The following FAM133B variants were observed in gnomAD, a reference collection of about 807,000 sequenced individuals.
The protein encoded by FAM133B is family with sequence similarity 133 member B, also known as protein FAM133B.
A neutral mutation model predicts 46.4 loss-of-function variants in FAM133B; 25 were observed. The observed-to-expected ratio is 0.54, with a 90% CI of 0.39 to 0.75. The LOEUF is 0.75. Among genes scored for constraint, FAM133B ranks in the 30% least tolerant of loss-of-function variants. The pLI is 0.00. For missense variants in FAM133B, 205 were observed against 277.6 expected, an observed-to-expected ratio of 0.74 and a Z score of 1.86; for synonymous variants, 75 against 86.0, an observed-to-expected ratio of 0.87 and a Z score of 0.71.
At chr7:92,579,167 G>A (rs1034866364) in intron 3 of FAM133B, 150 bp downstream of exon 3, 18 of 628,748 alleles carry the variant, frequency 2.9e-5, no homozygotes, top group Non-Finnish European at 4.8e-5. Flanking sequence ...ATGGAGACAA[G>A]GGCGGCGGGG....
chr7:92,575,409 G>A (rs570328170), intron 8 of FAM133B, among the ~76,000 whole-genome samples: 2 of 152,098 alleles, frequency 1.3e-5, no homozygotes, highest in Non-Finnish European at 2.9e-5. Flanking sequence ...GGAGATAGAG[G>A]TTGCAGTGAG....
At chr7:92,566,539 G>A (rs1270483864) in intron 9 of FAM133B, among the ~76,000 whole-genome samples, 1 of 152,190 alleles carries the variant, frequency 6.6e-6, no homozygotes, top group African/African-American at 2.4e-5. Context: ...CTAACTGGAA[G>A]GTTGAGATGG....
chr7:92,586,735 A>G (rs980815266), intron 1 of FAM133B, among the ~76,000 whole-genome samples: 1 of 152,226 alleles, frequency 6.6e-6, no homozygotes, highest in African/African-American at 2.4e-5. Flanking sequence ...AAAACTGGCT[A>G]AAGACACAAT....
intron 7 of FAM133B, among the ~76,000 whole-genome samples, chr7:92,576,863 A>T (rs1402056215): frequency 6.6e-6 from 1 of 152,208 alleles, no homozygotes; most frequent in African/African-American, 2.4e-5. Context: ...TTCTTTATGA[A>T]AACAGGGACA....
intron 9 of FAM133B, among the ~76,000 whole-genome samples, chr7:92,569,071 ATAC>A (rs1794453741): frequency 6.6e-6 from 1 of 152,220 alleles, no homozygotes; most frequent in Non-Finnish European, 1.5e-5. Context: ...GAGGAGGCTA[ATAC>A]GGAAACGATT....
At chr7:92,564,691 TTTTCA>T (rs1794278299) in intron 10 of FAM133B, among the ~76,000 whole-genome samples, 1 of 152,166 alleles carries the variant, frequency 6.6e-6, no homozygotes, top group Admixed American at 6.5e-5. Flanking sequence ...AATGATGATG[TTTTCA>T]TTTTTCTTTC....
intron 1 of FAM133B, among the ~76,000 whole-genome samples, chr7:92,582,816 T>C (rs1056116103): frequency 2.6e-5 from 4 of 152,188 alleles, no homozygotes; most frequent in South Asian, 4.1e-4. Flanking sequence ...AGGATGGCTA[T>C]TATTAAACAG....
chr7:92,566,968 T>C (rs1291794592), intron 9 of FAM133B, among the ~76,000 whole-genome samples: 1 of 152,194 alleles, frequency 6.6e-6, no homozygotes, highest in East Asian at 1.9e-4. Flanking sequence ...CCCAGCGCTT[T>C]GATAGGCCAA....
At chr7:92,577,991 T>C in intron 5 of FAM133B, 159 bp downstream of exon 5, 1 of 710,180 alleles carries the variant, frequency 1.4e-6, no homozygotes. Context: ...TTTATGTCAG[T>C]GATAGAACAA....
intron 3 of FAM133B, 67 bp downstream of exon 3, chr7:92,579,250 A>G: frequency 7.1e-7 from 1 of 1,399,578 alleles, no homozygotes; most frequent in Admixed American, 2.1e-5. Context: ...AAGTGCTGGA[A>G]TTATAGGTAT....
intron 8 of FAM133B, among the ~76,000 whole-genome samples, chr7:92,573,458 T>C (rs997346720): frequency 6.9e-6 from 1 of 144,894 alleles, no homozygotes; most frequent in African/African-American, 2.6e-5. Flanking sequence ...CCCAGTCTTT[T>C]TTCTTCTTTT....
intron 9 of FAM133B, among the ~76,000 whole-genome samples, chr7:92,566,477 AAAAG>A (rs1348489292): frequency 2.0e-5 from 3 of 152,038 alleles, no homozygotes; most frequent in South Asian, 2.1e-4. Context: ...AGAAAAAAAA[AAAAG>A]AAAAAGAAAA....
At chr7:92,590,145 T>C in intron 1 of FAM133B, 123 bp downstream of exon 1, 1 of 1,455,246 alleles carries the variant, frequency 6.9e-7, no homozygotes, top group Non-Finnish European at 9.5e-7. Context: ...GGGTGCTGGG[T>C]CTCCAGGCCC....
intron 8 of FAM133B, among the ~76,000 whole-genome samples, chr7:92,574,632 G>A (rs538837023): frequency 2.6e-5 from 4 of 152,228 alleles, no homozygotes; most frequent in East Asian, 1.9e-4. Context: ...TGGGCCGGGC[G>A]CGGTGGCTCA....
At chr7:92,584,230 T>A (rs1452713852) in intron 1 of FAM133B, among the ~76,000 whole-genome samples, 1 of 151,978 alleles carries the variant, frequency 6.6e-6, no homozygotes, top group African/African-American at 2.4e-5. Flanking sequence ...TTTATGAAAC[T>A]CTTCTACTTT....
At chr7:92,573,781 C>A (rs1190474738) in intron 8 of FAM133B, among the ~76,000 whole-genome samples, 2 of 151,634 alleles carry the variant, frequency 1.3e-5, no homozygotes, top group Admixed American at 1.3e-4. Flanking sequence ...GGTTTCTTTC[C>A]TTGATCAGTT....
At chr7:92,568,586 TG>T (rs1244623453) in intron 9 of FAM133B, among the ~76,000 whole-genome samples, 2 of 150,852 alleles carry the variant, frequency 1.3e-5, no homozygotes, top group East Asian at 3.9e-4. Context: ...CAGGCTGGTC[TG>T]GAACTCCTGA....
chr7:92,590,137 G>T, intron 1 of FAM133B, 131 bp downstream of exon 1: 1 of 1,386,172 alleles, frequency 7.2e-7, no homozygotes, highest in Non-Finnish European at 1.0e-6. Flanking sequence ...TCGGCGGAGG[G>T]TGCTGGGTCT....
intron 5 of FAM133B, 42 bp from the exon 6 acceptor site, chr7:92,577,759 A>G: frequency 1.3e-6 from 2 of 1,497,676 alleles, no homozygotes; most frequent in South Asian, 2.5e-5. Flanking sequence ...GAGATGCGAG[A>G]ATGTTTTTCT....
Sources: allele counts gnomAD v4.1 joint callset (sites outside exome capture counted in the v4.1 genomes callset), GRCh38; gene constraint gnomAD v4.1.1; transcripts MANE v1.5; gene names NCBI Gene and HGNC (gene_info 2026-07-23, HGNC 2026-07-21).